The following GADL1 variants were observed in gnomAD, a reference collection of about 807,000 sequenced individuals.
GADL1 encodes acidic amino acid decarboxylase GADL1.
A neutral mutation model predicts 69.5 loss-of-function variants in GADL1; 71 were observed. That is an observed-to-expected ratio of 1.02 (90% CI 0.84 to 1.25). GADL1 has a LOEUF of 1.25. Among genes scored for constraint, GADL1 ranks in the 50% most tolerant of loss-of-function variants. The pLI is 0.00. For synonymous variants in GADL1, 254 were observed against 214.4 expected, an observed-to-expected ratio of 1.18 and a Z score of -1.62; for missense variants, 737 against 631.8, an observed-to-expected ratio of 1.17 and a Z score of -1.79.
At chr3:30,756,353 T>C (rs1269552808) in intron 14 of GADL1, among the ~76,000 whole-genome samples, 3 of 152,134 alleles carry the variant, frequency 2.0e-5, no homozygotes, top group Non-Finnish European at 4.4e-5. Context: ...AGTGAGATTG[T>C]GGATGTGTAA....
intron 12 of GADL1, chr3:30,797,710 CTG>C (rs1176402138): frequency 4.0e-5 from 6 of 150,658 alleles, no homozygotes; most frequent in East Asian, 2.0e-4. Context: ...ATGATAGGGA[CTG>C]TGTTTTTCCA....
At chr3:30,790,745 G>C (rs768708973) in intron 12 of GADL1, among the ~76,000 whole-genome samples, 2 of 152,056 alleles carry the variant, frequency 1.3e-5, no homozygotes, top group Non-Finnish European at 2.9e-5. Flanking sequence ...GCATATATGT[G>C]CACATATATT....
chr3:30,837,904 A>G (rs1311740976), intron 9 of GADL1, among the ~76,000 whole-genome samples: 1 of 152,174 alleles, frequency 6.6e-6, no homozygotes, highest in Non-Finnish European at 1.5e-5. Flanking sequence ...TGCCATTGGC[A>G]TACTAATAGA....
At chr3:30,861,292 G>C (rs556518857) in intron 2 of GADL1, among the ~76,000 whole-genome samples, 5 of 151,762 alleles carry the variant, frequency 3.3e-5, no homozygotes, top group African/African-American at 1.2e-4. Context: ...ACTTATCTAT[G>C]TTATTATCTA....
chr3:30,799,780 TTCCA>T (rs1202186881), intron 12 of GADL1: 1 of 152,262 alleles, frequency 6.6e-6, no homozygotes, highest in Non-Finnish European at 1.5e-5. Flanking sequence ...TAAAAATTTC[TTCCA>T]TCAGATACCA....
chr3:30,806,831 A>T (rs1669107822), intron 11 of GADL1, among the ~76,000 whole-genome samples: 1 of 152,214 alleles, frequency 6.6e-6, no homozygotes, highest in South Asian at 2.1e-4. Flanking sequence ...TCAGGCTAGA[A>T]ATCTAGAGTA....
Position 30,800,943 on chromosome 3 carries a change from G to A in GADL1, c.1196C>T (p.Ala399Val), listed in dbSNP as rs549798526. 3 of 1,613,646 alleles carry A rather than the reference G, an allele frequency of 1.9e-6. No individual in the cohort carries two copies. Among genetic ancestry groups the A allele is most frequent in the African/African-American group, 2.7e-5 (2 of 74,948 alleles). Residue 399 changes from alanine (A) to valine (V), a missense_variant, in exon 12 of 15, where the codon GCC becomes GTC. By Grantham distance (64) the Ala-to-Val change is moderately conservative. Transcript: ENST00000282538. ...TTCTTCAAGGCCTAATGTACCCAGG[G>A]CCTTCCAGGTCATCCAGAACTTGAA... ...DAFKFWMTWK[A>V]LGTLGLEERV...
rs78831624 is a variant in GADL1 at position 30,824,000 on chromosome 3, C to T, written c.1050+9853G>A. Among the ~76,000 whole-genome samples, 1,345 of 151,748 alleles carry T rather than the reference C, an allele frequency of 8.9e-3. 11 individuals are homozygous for T. Among genetic ancestry groups the T allele is most frequent in the Middle Eastern group, 0.017 (5 of 294 alleles). On this transcript the variant is annotated intron_variant, in intron 11 of 14. Transcript: ENST00000282538. ...GTAAGAAGAAAAGAAAGGAAGAAGT[C>T]TTAATATGTATTTAATTGACATGCC...
chr3:30,838,297 G>C (rs997063013), intron 9 of GADL1, among the ~76,000 whole-genome samples: 2 of 151,992 alleles, frequency 1.3e-5, no homozygotes, highest in African/African-American at 4.8e-5. Context: ...GTTCATAGTT[G>C]GCTGAATTCA....
intron 14 of GADL1, among the ~76,000 whole-genome samples, chr3:30,766,556 A>AC (rs1553637108): frequency 2.6e-5 from 3 of 117,024 alleles, no homozygotes; most frequent in South Asian, 2.5e-4. Context: ...CATTACTGTG[A>AC]TTTTTTTTCT....
intron 14 of GADL1, among the ~76,000 whole-genome samples, chr3:30,770,960 T>C (rs1696407033): frequency 6.6e-6 from 1 of 152,118 alleles, no homozygotes; most frequent in African/African-American, 2.4e-5. Context: ...AATATATTAA[T>C]CAGCAAATAA....
intron 9 of GADL1, among the ~76,000 whole-genome samples, chr3:30,838,687 C>G (rs147692807): frequency 6.6e-6 from 1 of 152,088 alleles, no homozygotes; most frequent in Non-Finnish European, 1.5e-5. Flanking sequence ...CAAAGTCTCT[C>G]GGCTCCCTAA....
chr3:30,858,609 CA>C (rs1698266625), intron 2 of GADL1, among the ~76,000 whole-genome samples: 1 of 151,840 alleles, frequency 6.6e-6, no homozygotes, highest in Non-Finnish European at 1.5e-5. Flanking sequence ...TGGATGGCAG[CA>C]ATGGGGATAG....
chr3:30,806,466 C>T (rs1382352465), intron 11 of GADL1, among the ~76,000 whole-genome samples: 1 of 152,010 alleles, frequency 6.6e-6, no homozygotes, highest in African/African-American at 2.4e-5. Flanking sequence ...ATGATTATGC[C>T]ATCTGATATT....
At chr3:30,825,347 T>C (rs540093762) in intron 11 of GADL1, among the ~76,000 whole-genome samples, 3 of 151,994 alleles carry the variant, frequency 2.0e-5, no homozygotes, top group Non-Finnish European at 4.4e-5. Context: ...TAAAAGTTTA[T>C]ATAAAATCTA....
rs779859861 is a variant in GADL1, at chr3:30,778,208, C to T, written c.1363G>A (p.Gly455Arg). ...TTAAGTTTTGCCCAGAACTCGGGTC[C>T]TTCTTCCATCTCTCTGAGGCTCGGT... Reference protein sequence around the residue: ...IPPSLREMEEGPEFWAKLNLV... With the variant: ...IPPSLREMEERPEFWAKLNLV... Residue 455 changes from glycine (G) to arginine (R), a missense_variant, in exon 14 of 15, where the codon GGA (glycine) becomes AGA (arginine). Gly to Arg is a moderately radical substitution (Grantham distance 125). Transcript: ENST00000282538. 15 of 1,611,722 alleles carry T rather than the reference C, an allele frequency of 9.3e-6. No individual in the cohort carries two copies. Among genetic ancestry groups the T allele is most frequent in the African/African-American group, 1.3e-5 (1 of 74,952 alleles).
At chr3:30,843,488 C>A (rs1270725572) in intron 8 of GADL1, among the ~76,000 whole-genome samples, 1 of 151,906 alleles carries the variant, frequency 6.6e-6, no homozygotes, top group Non-Finnish European at 1.5e-5. Flanking sequence ...GATCTCCTGA[C>A]CTCATAATCT....
At chr3:30,884,881 C>G (rs1236818471) in intron 1 of GADL1, among the ~76,000 whole-genome samples, 1 of 151,894 alleles carries the variant, frequency 6.6e-6, no homozygotes, top group African/African-American at 2.4e-5. Flanking sequence ...TCACAAAACC[C>G]TAGGAGGTAA....
At chr3:30,804,848 T>G (rs908145876) in intron 11 of GADL1, among the ~76,000 whole-genome samples, 6 of 152,230 alleles carry the variant, frequency 3.9e-5, no homozygotes, top group Non-Finnish European at 8.8e-5. Flanking sequence ...GAGAGACTCT[T>G]GGCCTCCTAA....
Sources: allele counts gnomAD v4.1 joint callset (sites outside exome capture counted in the v4.1 genomes callset), GRCh38; gene constraint gnomAD v4.1.1; transcripts MANE v1.5; gene names NCBI Gene and HGNC (gene_info 2026-07-23, HGNC 2026-07-21).